XNDC1N: variants seen among roughly 807,000 people sequenced by gnomAD.
XNDC1N encodes the protein XRCC1 N-terminal domain containing 1, N-terminal like.
At chr11:71,909,858 T>C in the XNDC1N span, among the ~76,000 whole-genome samples, 35 of 152,284 alleles carry the variant, frequency 2.3e-4, no homozygotes, top group African/African-American at 6.3e-4. Flanking sequence ...TGACAGAGCA[T>C]GGCTCTTTGC....
the XNDC1N span, among the ~76,000 whole-genome samples, chr11:71,927,216 C>T: frequency 6.6e-6 from 1 of 152,066 alleles, no homozygotes; most frequent in Admixed American, 6.5e-5. Context: ...CACTGCACTC[C>T]AGCCTGGGCG....
chr11:71,870,306 C>T, the XNDC1N span, among the ~76,000 whole-genome samples: 6 of 152,248 alleles, frequency 3.9e-5, no homozygotes, highest in South Asian at 6.2e-4. Context: ...AGGTGGGTTC[C>T]GTTGACTGGC....
the XNDC1N span, among the ~76,000 whole-genome samples, chr11:71,866,566 C>T: frequency 6.6e-6 from 1 of 152,110 alleles, no homozygotes; most frequent in African/African-American, 2.4e-5. Flanking sequence ...GAGTTCAAGA[C>T]CAGCCTGGCC....
the XNDC1N span, chr11:71,893,319 T>C: frequency 2.8e-5 from 15 of 535,072 alleles, no homozygotes; most frequent in African/African-American, 2.3e-4. Flanking sequence ...ATTTTTGGAA[T>C]TGTCACAACT....
At chr11:71,920,013 A>G in the XNDC1N span, among the ~76,000 whole-genome samples, 1 of 115,050 alleles carries the variant, frequency 8.7e-6, no homozygotes, top group Non-Finnish European at 1.6e-5. Flanking sequence ...GCTGGAGTGC[A>G]GTGGTGCAAT....
chr11:71,909,457 AG>A, the XNDC1N span, among the ~76,000 whole-genome samples: 1 of 152,168 alleles, frequency 6.6e-6, no homozygotes, highest in Non-Finnish European at 1.5e-5. Flanking sequence ...TCAGCTCAAA[AG>A]AAAACAAGGT....
At chr11:71,877,219 G>A in the XNDC1N span, among the ~76,000 whole-genome samples, 1 of 152,322 alleles carries the variant, frequency 6.6e-6, no homozygotes, top group East Asian at 1.9e-4. Flanking sequence ...CCAAGAAGAA[G>A]CCATGGCAGA....
chr11:71,876,449 T>C, the XNDC1N span, among the ~76,000 whole-genome samples: 3 of 152,202 alleles, frequency 2.0e-5, no homozygotes, highest in Non-Finnish European at 4.4e-5. Context: ...GCAGTGAACC[T>C]TCCTCTGACC....
the XNDC1N span, among the ~76,000 whole-genome samples, chr11:71,900,441 A>C: frequency 1.3e-5 from 2 of 152,044 alleles, no homozygotes; most frequent in African/African-American, 4.8e-5. Flanking sequence ...CAGGACAAAC[A>C]GGAGAGTGTG....
chr11:71,893,755 G>T, the XNDC1N span: 2 of 1,149,252 alleles, frequency 1.7e-6, no homozygotes, highest in Admixed American at 4.4e-5. Flanking sequence ...CTCTCATGCG[G>T]ACTGCCTGAC....
the XNDC1N span, among the ~76,000 whole-genome samples, chr11:71,892,722 G>A: frequency 1.3e-5 from 2 of 151,982 alleles, no homozygotes; most frequent in Non-Finnish European, 2.9e-5. Flanking sequence ...GGTTTCACCA[G>A]GTTGGTCAGG....
the XNDC1N span, among the ~76,000 whole-genome samples, chr11:71,919,314 G>T: frequency 2.0e-5 from 3 of 151,840 alleles, no homozygotes; most frequent in Non-Finnish European, 4.4e-5. Flanking sequence ...AAGCTGAGAG[G>T]TTCAGAAACT....
At chr11:71,917,864 T>C in the XNDC1N span, 1 of 645,870 alleles carries the variant, frequency 1.5e-6, no homozygotes, top group South Asian at 1.8e-5. Flanking sequence ...TCCTCTACTT[T>C]ACAGCTAGCT....
At chr11:71,867,636 G>A in the XNDC1N span, among the ~76,000 whole-genome samples, 1 of 152,172 alleles carries the variant, frequency 6.6e-6, no homozygotes, top group African/African-American at 2.4e-5. Flanking sequence ...TATTTTTATT[G>A]GGATGTGGTC....
At chr11:71,892,498 A>G in the XNDC1N span, among the ~76,000 whole-genome samples, 4 of 152,164 alleles carry the variant, frequency 2.6e-5, no homozygotes, top group Admixed American at 2.0e-4. Flanking sequence ...TAGGAGCAAT[A>G]TCTTTCTAGG....
At chr11:71,893,386 G>C in the XNDC1N span, 2 of 675,106 alleles carry the variant, frequency 3.0e-6, no homozygotes, top group Non-Finnish European at 5.5e-6. Context: ...CTTGTGAATT[G>C]CTTGCATCCA....
chr11:71,892,435 A>G, the XNDC1N span, among the ~76,000 whole-genome samples: 3 of 152,150 alleles, frequency 2.0e-5, no homozygotes, highest in African/African-American at 7.2e-5. Context: ...TAGGAGTAAT[A>G]TCTCTGTAGG....
chr11:71,916,278 CA>C, the XNDC1N span: 22 of 701,286 alleles, frequency 3.1e-5, no homozygotes, highest in East Asian at 3.5e-4. Context: ...GAAACAAAAT[CA>C]GGGGGGAATG....
chr11:71,891,365 C>T, the XNDC1N span, among the ~76,000 whole-genome samples: 4,377 of 147,510 alleles, frequency 0.03, 73 homozygotes, highest in East Asian at 0.081. Context: ...GTGTGTTCAC[C>T]CCCTGCGATA....
Sources: gnomAD v4.1 joint callset for allele counts (sites outside exome capture counted in the v4.1 genomes callset) on GRCh38, gnomAD v4.1.1 for gene constraint, MANE v1.5 for transcripts, NCBI Gene and HGNC (gene_info 2026-07-23, HGNC 2026-07-21) for gene names.